GLRA3: variants seen among roughly 807,000 people sequenced by gnomAD.
GLRA3 encodes the protein glycine receptor subunit alpha-3.
GLRA3 carries 44 observed loss-of-function variants against 60.4 expected under a neutral mutation model. That is an observed-to-expected ratio of 0.73 (90% CI 0.57 to 0.94). The LOEUF is 0.94. GLRA3 is among the 40% of genes least tolerant of loss of function. GLRA3 has a pLI of 0.00. For missense variants in GLRA3, 508 were observed against 564.6 expected (o/e 0.90, Z 1.02); for synonymous variants, 223 against 192.9 (o/e 1.16, Z -1.29).
chr4:174,701,855 C>T (rs1200676217), intron 5 of GLRA3, among the ~76,000 whole-genome samples: 1 of 152,188 alleles, frequency 6.6e-6, no homozygotes, highest in African/African-American at 2.4e-5. Context: ...CAAATTGCTA[C>T]AATCTCATGA....
At chr4:174,694,064 C>T (rs1295852236) in intron 5 of GLRA3, among the ~76,000 whole-genome samples, 1 of 121,878 alleles carries the variant, frequency 8.2e-6, no homozygotes, top group Non-Finnish European at 1.9e-5. Flanking sequence ...GCACCTACCA[C>T]AGGGGGCATT....
intron 2 of GLRA3, among the ~76,000 whole-genome samples, chr4:174,767,324 T>C (rs1345178150): frequency 6.6e-6 from 1 of 152,122 alleles, no homozygotes. Flanking sequence ...GTCCAGTTTC[T>C]AAGCTCATTC....
intron 7 of GLRA3, among the ~76,000 whole-genome samples, chr4:174,661,475 A>G (rs1046162860): frequency 2.6e-5 from 4 of 152,192 alleles, no homozygotes; most frequent in Non-Finnish European, 5.9e-5. Context: ...AGAACCAGAT[A>G]CTGTGATCAT....
At chr4:174,733,156 G>A (rs532311813) in intron 3 of GLRA3, among the ~76,000 whole-genome samples, 1 of 152,168 alleles carries the variant, frequency 6.6e-6, no homozygotes, top group South Asian at 2.1e-4. Flanking sequence ...TCTGGTAGAG[G>A]AAAAAGGCCA....
intron 5 of GLRA3, among the ~76,000 whole-genome samples, chr4:174,697,549 A>C (rs914306225): frequency 1.3e-5 from 2 of 152,196 alleles, no homozygotes; most frequent in African/African-American, 4.8e-5. Flanking sequence ...AGGCCATTAC[A>C]TGTGGTTTCA....
In GLRA3 at chr4:174,717,800, A is replaced by G. The variant is rs79145728; in HGVS notation, c.492-2230T>C. 7.1e-3 allele frequency among the ~76,000 whole-genome samples: 1,086 copies of G among 152,330 alleles called. 12 individuals are homozygous for G. The highest frequency in any genetic ancestry group is 0.025 in the African/African-American group (1,038 of 41,566). On this transcript the variant is annotated intron_variant, in intron 4 of 9. Coordinates refer to ENST00000274093, the MANE Select transcript of GLRA3 (RefSeq NM_006529.4). ...AGACACAATGTTTTTTGCCTTGTGA[A>G]AGGGCTTATTAGAAGTGTATGCACA... is the stretch of plus-strand genomic sequence containing the variant.
intron 1 of GLRA3, among the ~76,000 whole-genome samples, chr4:174,790,513 G>T (rs1201470718): frequency 1.4e-5 from 1 of 70,288 alleles, no homozygotes; most frequent in Non-Finnish European, 3.0e-5. Context: ...GTGTGGAAAA[G>T]CATCGTTGGA....
chr4:174,827,653 A>G (rs1741032010), intron 1 of GLRA3, among the ~76,000 whole-genome samples: 1 of 151,990 alleles, frequency 6.6e-6, no homozygotes, highest in Admixed American at 6.6e-5. Flanking sequence ...TTGGGAAAAA[A>G]TCAATAATTT....
intron 9 of GLRA3, among the ~76,000 whole-genome samples, chr4:174,648,915 G>A (rs1732932927): frequency 6.6e-6 from 1 of 152,134 alleles, no homozygotes; most frequent in East Asian, 1.9e-4. Flanking sequence ...CTGCTGGGAG[G>A]ACGGAAATCT....
At chr4:174,666,151 T>C (rs1293262927) in intron 7 of GLRA3, among the ~76,000 whole-genome samples, 1 of 152,124 alleles carries the variant, frequency 6.6e-6, no homozygotes, top group Admixed American at 6.6e-5. Context: ...TCAACAACTG[T>C]AAACAATGTA....
At chr4:174,810,587 TTTTCA>T (rs1436076839) in intron 1 of GLRA3, among the ~76,000 whole-genome samples, 2 of 152,102 alleles carry the variant, frequency 1.3e-5, no homozygotes, top group Non-Finnish European at 2.9e-5. Flanking sequence ...CAAGGGAAAC[TTTTCA>T]TTTATCCAAA....
chr4:174,715,339 T>A (rs1213624647), intron 5 of GLRA3, 149 bp downstream of exon 5: 1 of 524,054 alleles, frequency 1.9e-6, no homozygotes, highest in Non-Finnish European at 3.5e-6. Flanking sequence ...ATAGGTATCA[T>A]TATTTTCAGT....
intron 9 of GLRA3, among the ~76,000 whole-genome samples, chr4:174,645,372 ACTGCACTCCAGCCCTCCAGC>A (rs568198249): frequency 0.019 from 2,830 of 148,156 alleles, 37 homozygotes; most frequent in Middle Eastern, 0.046. Flanking sequence ...AGATCGCACC[ACTGCACTCCAGCCCTCCAGC>A]CTGAGCGACA....
chr4:174,728,399 T>A, intron 4 of GLRA3, 76 bp downstream of exon 4: 1 of 808,302 alleles, frequency 1.2e-6, no homozygotes. Context: ...GTCAAAACTT[T>A]CACCAAACAA....
intron 3 of GLRA3, among the ~76,000 whole-genome samples, chr4:174,730,224 G>A (rs1284485352): frequency 1.3e-5 from 2 of 152,134 alleles, no homozygotes; most frequent in African/African-American, 2.4e-5. Context: ...GCCTAGAATA[G>A]GTCATCTTCT....
At chr4:174,703,362 C>T (rs758006511) in intron 5 of GLRA3, among the ~76,000 whole-genome samples, 1 of 152,128 alleles carries the variant, frequency 6.6e-6, no homozygotes, top group Non-Finnish European at 1.5e-5. Context: ...GGTATCAAAA[C>T]ACTCCTAAAG....
At chr4:174,752,100 A>G (rs1336945238) in intron 3 of GLRA3, among the ~76,000 whole-genome samples, 3 of 152,170 alleles carry the variant, frequency 2.0e-5, no homozygotes, top group Non-Finnish European at 4.4e-5. Context: ...AATTATCTTT[A>G]TAGCTAGTTA....
chr4:174,704,257 G>A (rs1237067945), intron 5 of GLRA3, among the ~76,000 whole-genome samples: 1 of 143,660 alleles, frequency 7.0e-6, no homozygotes, highest in Non-Finnish European at 1.5e-5. Context: ...TCACACCACT[G>A]CACTCCAGCG....
chr4:174,722,744 G>A (rs901039451), intron 4 of GLRA3: 1 of 166,262 alleles, frequency 6.0e-6, no homozygotes, highest in African/African-American at 2.4e-5. Context: ...TAAAAAAGCA[G>A]GAAAGCCAGA....
Sources: allele counts gnomAD v4.1 joint callset (sites outside exome capture counted in the v4.1 genomes callset), GRCh38; gene constraint gnomAD v4.1.1; transcripts MANE v1.5; gene names NCBI Gene and HGNC (gene_info 2026-07-23, HGNC 2026-07-21).